EBF4: variants seen among roughly 807,000 people sequenced by gnomAD.
The protein encoded by EBF4 is transcription factor COE4.
A neutral mutation model predicts 67.1 loss-of-function variants in EBF4; 34 were observed. The observed-to-expected ratio is 0.51, with a 90% CI of 0.39 to 0.67. The LOEUF is 0.67. Ranked by LOEUF, EBF4 falls within the 30% of genes least tolerant of loss-of-function variation. EBF4 has a pLI of 0.00. For missense variants in EBF4, 837 were observed against 873.3 expected, an observed-to-expected ratio of 0.96 and a Z score of 0.52; for synonymous variants, 387 against 377.7, an observed-to-expected ratio of 1.02 and a Z score of -0.29.
chr20:2,756,062 G>A lies in EBF4; in HGVS notation c.1738+238G>A, dbSNP rs994014431. 1.3e-5 allele frequency among the ~76,000 whole-genome samples: 2 copies of A among 152,206 alleles called. No individual in the cohort carries two copies. Among genetic ancestry groups the A allele is most frequent in the Non-Finnish European group, 2.9e-5 (2 of 68,042 alleles). The stretch of plus-strand genomic sequence containing the variant: ...TCTGGATGCTCTCAGTTGACCACTT[G>A]GCCAAGGGGAAGAGACTCAAATCAC... On this transcript the variant is annotated intron_variant, in intron 15 of 16. Coordinates refer to ENST00000609451, the Ensembl canonical transcript of EBF4. This position sits in a 1 kb window ranked among gnomAD's most constrained non-coding sequence, Gnocchi z 4.5.
chr20:2,699,478 A>G (rs7272161), intron 1 of EBF4, among the ~76,000 whole-genome samples: 3,387 of 152,302 alleles, frequency 0.022, 79 homozygotes, highest in Middle Eastern at 0.075. Flanking sequence ...GCACAATGAA[A>G]ATACAAAAGC....
intron 6 of EBF4, among the ~76,000 whole-genome samples, chr20:2,719,863 G>A (rs562234837): frequency 7.2e-5 from 11 of 152,264 alleles, no homozygotes; most frequent in African/African-American, 2.6e-4. Context: ...TGTTTATTCT[G>A]TTGTTATTGC....
chr20:2,711,392 A>G (rs1005228928), intron 6 of EBF4, among the ~76,000 whole-genome samples: 6 of 152,136 alleles, frequency 3.9e-5, no homozygotes, highest in Non-Finnish European at 7.4e-5. Context: ...ATCCCTTTTC[A>G]GGGATTTAAA....
chr20:2,739,061 G>A lies in EBF4; in HGVS notation c.558-9488G>A, dbSNP rs561232997. On this transcript the variant is annotated intron_variant, in intron 6 of 16. Transcript: ENST00000609451. This position sits in a 1 kb window ranked among gnomAD's most constrained non-coding sequence, Gnocchi z 4.5. ...GGGACAGTCTATCTTGGCTTCTACC[G>A]CAGGCTAAGACCAGGAAGCAGCCTG... Among the ~76,000 whole-genome samples the A allele has an allele frequency of 9.1e-4, 139 of 152,272 alleles. No homozygotes were observed. The highest frequency in any genetic ancestry group is 9.7e-4 in the Non-Finnish European group (66 of 68,018).
At chr20:2,750,631 C>A (rs1354533413) in intron 10 of EBF4, among the ~76,000 whole-genome samples, 1 of 152,144 alleles carries the variant, frequency 6.6e-6, no homozygotes, top group Non-Finnish European at 1.5e-5. Context: ...CCCCCCGCAC[C>A]GATGCTCATC....
At chr20:2,732,304 T>C (rs1479863565) in intron 6 of EBF4, among the ~76,000 whole-genome samples, 1 of 152,172 alleles carries the variant, frequency 6.6e-6, no homozygotes, top group Admixed American at 6.5e-5. Context: ...GTATTTTTAG[T>C]TGAGACGGGG....
intron 6 of EBF4, among the ~76,000 whole-genome samples, chr20:2,721,495 C>A (rs745858866): frequency 6.6e-6 from 1 of 152,016 alleles, no homozygotes; most frequent in Non-Finnish European, 1.5e-5. Flanking sequence ...CGCTCTGTCA[C>A]CCAGGCTGGA....
chr20:2,705,696 A>C, exon 2 of EBF4: 1 of 1,551,346 alleles, frequency 6.4e-7, no homozygotes, highest in Admixed American at 2.0e-5. Context: ...GTGGAGGTGG[A>C]GCGCACAGCC....
intron 6 of EBF4, among the ~76,000 whole-genome samples, chr20:2,712,888 C>G (rs553360732): frequency 1.3e-5 from 2 of 152,110 alleles, no homozygotes; most frequent in South Asian, 2.1e-4. Flanking sequence ...GGTATGATAA[C>G]AAAGACTAGG....
chr20:2,754,242 G>T (rs2088202623), intron 14 of EBF4, among the ~76,000 whole-genome samples: 1 of 152,170 alleles, frequency 6.6e-6, no homozygotes, highest in Non-Finnish European at 1.5e-5. Flanking sequence ...ACTCCAAGGG[G>T]TGTCATTCTC....
In EBF4 at chr20:2,734,570, A is replaced by G. The variant is rs142985030; in HGVS notation, c.558-13979A>G. Among the ~76,000 whole-genome samples, 329 of 152,206 alleles carry G rather than the reference A, an allele frequency of 2.2e-3. 2 individuals are homozygous for G. Among genetic ancestry groups the G allele is most frequent in the African/African-American group, 7.2e-3 (298 of 41,524 alleles). ...TGAAAACTGGACATTTTAATCATAT[A>G]ATGTTGCACTCTGGCAATCAGATCC... On this transcript the variant is annotated intron_variant, in intron 6 of 16. Coordinates refer to ENST00000609451, the Ensembl canonical transcript of EBF4.
chr20:2,737,250 C>CAAAA lies in EBF4; in HGVS notation c.558-11287_558-11284dup, dbSNP rs777580766. Among the ~76,000 whole-genome samples the CAAAA allele has an allele frequency of 3.8e-3, 439 of 114,840 alleles. 5 individuals carry two copies. The highest frequency in any genetic ancestry group is 0.023 in the South Asian group (76 of 3,260). 75.3% of individuals were successfully genotyped at this position (114,840 alleles called of 152,430 possible). ...GGGTAACAGGAGCGAAACTCCGTCT[C>CAAAA]AAAAAAAAAAAAAAAGAAAAGAAAA... On this transcript the variant is annotated intron_variant, in intron 6 of 16. Coordinates refer to ENST00000609451, the Ensembl canonical transcript of EBF4.
rs538762908 is a variant in EBF4, at chr20:2,696,111, C to G, written c.137+2329C>G. Among the ~76,000 whole-genome samples, 3 of 152,226 alleles carry G rather than the reference C, an allele frequency of 2.0e-5. No homozygotes were observed. The highest frequency in any genetic ancestry group is 2.9e-5 in the Non-Finnish European group (2 of 68,044). On this transcript the variant is annotated intron_variant, in intron 1 of 16. Coordinates refer to ENST00000609451, the Ensembl canonical transcript of EBF4. This position sits in a 1 kb window ranked among gnomAD's most constrained non-coding sequence, Gnocchi z 4.7. ...CACCACTCCCCTAAAACCATCTTCC[C>G]TGCATTGGGGACCAAAGCAGTATTT...
intron 15 of EBF4, among the ~76,000 whole-genome samples, chr20:2,757,393 C>T (rs1396377924): frequency 6.6e-6 from 1 of 152,034 alleles, no homozygotes; most frequent in Non-Finnish European, 1.5e-5. Context: ...ACCAGGGAAC[C>T]CCCTCTGCAC....
rs1055271345 is a variant in EBF4 at position 2,756,254 on chromosome 20, G to A, written c.1738+430G>A. Among the ~76,000 whole-genome samples the A allele has an allele frequency of 6.6e-6, 1 of 152,166 alleles. No homozygotes were observed. Among genetic ancestry groups the A allele is most frequent in the African/African-American group, 2.4e-5 (1 of 41,436 alleles). ...GGACTGGGTCGCTGACCATGGAAGG[G>A]GACTGACCTTAGAAGAGGCTTAGCC... On this transcript the variant is annotated intron_variant, in intron 15 of 16. Coordinates refer to ENST00000609451, the Ensembl canonical transcript of EBF4. The surrounding 1 kb of genome is among the most constrained non-coding windows in gnomAD (Gnocchi z 4.5).
At chr20:2,718,826 A>T (rs2087643024) in intron 6 of EBF4, among the ~76,000 whole-genome samples, 1 of 151,984 alleles carries the variant, frequency 6.6e-6, no homozygotes, top group African/African-American at 2.4e-5. Context: ...CTTTTGGTTA[A>T]TTCCTTCTCC....
intron 6 of EBF4, among the ~76,000 whole-genome samples, chr20:2,736,990 T>C (rs2064386): frequency 0.086 from 13,070 of 151,752 alleles, 641 homozygotes; most frequent in Middle Eastern, 0.13. Flanking sequence ...TGGCTCACGC[T>C]TGTAATCCCA....
At position 2,751,766 on chromosome 20, in the gene EBF4, G is replaced by C. The variant is rs1203038216; in HGVS notation, c.1085G>C (p.Gly362Ala). Residue 362 changes from glycine (G) to alanine (A), a missense_variant, in exon 11 of 17, where the codon GGA becomes GCA. By Grantham distance (60) the Gly-to-Ala change is moderately conservative. Coordinates refer to ENST00000609451, the Ensembl canonical transcript of EBF4. The surrounding 1 kb of genome is among the most constrained non-coding windows in gnomAD (Gnocchi z 5.2). ...CAGAAAGTCATTCCCAGACACCCCG[G>C]AGACCCCGAGAGGCTGCCCAAGGTA... is the stretch of plus-strand genomic sequence containing the variant. 4 of 1,539,728 alleles carry C rather than the reference G, an allele frequency of 2.6e-6. No homozygotes were observed. Among genetic ancestry groups the C allele is most frequent in the Non-Finnish European group, 3.5e-6 (4 of 1,140,100 alleles).
intron 6 of EBF4, among the ~76,000 whole-genome samples, chr20:2,719,303 C>T (rs2087648440): frequency 6.6e-6 from 1 of 152,210 alleles, no homozygotes; most frequent in African/African-American, 2.4e-5. Context: ...GAGACGGAGT[C>T]TTGCTCTATT....
Sources: gnomAD v4.1 joint callset for allele counts (sites outside exome capture counted in the v4.1 genomes callset) on GRCh38, gnomAD v4.1.1 for gene constraint, Gnocchi (gnomAD v3.1) non-coding constraint, MANE v1.5 for transcripts, NCBI Gene and HGNC (gene_info 2026-07-23, HGNC 2026-07-21) for gene names.